ZNF282: variants seen among roughly 807,000 people sequenced by gnomAD.
ZNF282 encodes zinc finger protein 282.
In ZNF282, 30 loss-of-function variants were observed where a neutral mutation model predicts 61.9. That is an observed-to-expected ratio of 0.48 (90% confidence interval 0.36 to 0.66). The LOEUF (loss-of-function observed/expected upper bound fraction) is 0.66, where lower values mean the gene tolerates loss of function less well. Among genes scored for constraint, ZNF282 ranks in the 30% least tolerant of loss-of-function variants. The pLI is 0.00. For missense variants in ZNF282, 788 were observed against 941.4 expected, an observed-to-expected ratio of 0.84 and a Z score of 2.13; for synonymous variants, 396 against 405.0, an observed-to-expected ratio of 0.98 and a Z score of 0.27.
intron 2 of ZNF282, among the ~76,000 whole-genome samples, chr7:149,206,095 C>T (rs781111221): frequency 2.6e-5 from 4 of 152,138 alleles, no homozygotes; most frequent in Non-Finnish European, 5.9e-5. Flanking sequence ...TGACACCACG[C>T]GACGACTCGG....
chr7:149,216,137 C>T (rs1001161794), intron 7 of ZNF282, among the ~76,000 whole-genome samples: 2 of 152,156 alleles, frequency 1.3e-5, no homozygotes, highest in East Asian at 1.9e-4. Context: ...CTCACTCTGC[C>T]GCTCAGGCTG....
Position 149,212,298 on chromosome 7 carries a change from C to T in ZNF282, c.953-60C>T, listed in dbSNP as rs1405735622. 13 of 1,193,352 alleles carry T rather than the reference C, an allele frequency of 1.1e-5. No homozygotes were observed. The South Asian group carries it at 1.6e-4, about 14-fold the overall frequency. The allele number at this position is 1,193,352 out of a possible 1,614,324, so 73.9% of individuals were successfully genotyped here. ...TGAAATCAGAGATTTACTCAAAACA[C>T]AAACTTGCAGGAGATTTCGCATCTT... is the stretch of plus-strand genomic sequence containing the variant. On this transcript the variant is annotated intron_variant, in intron 5 of 7. Coordinates refer to ENST00000610704, the MANE Select transcript of ZNF282 (RefSeq NM_003575.4).
intron 2 of ZNF282, among the ~76,000 whole-genome samples, chr7:149,206,108 C>T (rs938895127): frequency 6.6e-6 from 1 of 152,194 alleles, no homozygotes; most frequent in South Asian, 2.1e-4. Context: ...CGACTCGGGC[C>T]GCAGTGGAGC....
Position 149,224,742 on chromosome 7 carries a change from A to G in ZNF282, c.*95A>G. 7.0e-7 allele frequency: 1 copy of G among 1,437,362 alleles called. No individual in the cohort carries two copies. The highest frequency in any genetic ancestry group is 2.5e-5 in the East Asian group (1 of 39,950). The allele number at this position is 1,437,362 out of a possible 1,614,324, so 89.0% of individuals were successfully genotyped here. On this transcript the variant is annotated 3_prime_UTR_variant, in exon 8 of 8. Transcript: ENST00000610704. ...GGGTGTCCTCAGCCACCGTCTGGAA[A>G]TCGGCAACAGGCATTGCACTCCGGT...
intron 2 of ZNF282, among the ~76,000 whole-genome samples, chr7:149,201,337 C>T (rs1456435374): frequency 6.6e-6 from 1 of 152,226 alleles, no homozygotes; most frequent in Non-Finnish European, 1.5e-5. Context: ...TGATTTTTGC[C>T]ATGGCCTCCT....
At chr7:149,206,181 T>C (rs1795988364) in intron 2 of ZNF282, among the ~76,000 whole-genome samples, 1 of 152,218 alleles carries the variant, frequency 6.6e-6, no homozygotes, top group African/African-American at 2.4e-5. Flanking sequence ...TACTGTATGC[T>C]CCTTGATGAT....
chr7:149,223,296 T>G (rs1210314743), intron 7 of ZNF282, among the ~76,000 whole-genome samples: 1 of 151,930 alleles, frequency 6.6e-6, no homozygotes, highest in Non-Finnish European at 1.5e-5. Flanking sequence ...TTTTTTTTTT[T>G]AATTAGCTGG....
chr7:149,208,719 A>G (rs1020385687), intron 4 of ZNF282, among the ~76,000 whole-genome samples: 1 of 151,786 alleles, frequency 6.6e-6, no homozygotes, highest in Non-Finnish European at 1.5e-5. Context: ...CATTTCTACC[A>G]TAAGAAACCC....
At chr7:149,195,825 G>T in intron 1 of ZNF282, 71 bp downstream of exon 1, 1 of 1,241,630 alleles carries the variant, frequency 8.1e-7, no homozygotes, top group Non-Finnish European at 1.0e-6. Flanking sequence ...CGCGGGACCG[G>T]GCCGCGCCGT....
chr7:149,197,376 G>A (rs533184808), intron 1 of ZNF282, among the ~76,000 whole-genome samples: 1 of 152,372 alleles, frequency 6.6e-6, no homozygotes, highest in African/African-American at 2.4e-5. Flanking sequence ...TGAAACAGTA[G>A]TTGTATATGG....
intron 7 of ZNF282, among the ~76,000 whole-genome samples, chr7:149,216,506 C>T (rs181902382): frequency 3.3e-5 from 5 of 152,358 alleles, no homozygotes; most frequent in South Asian, 4.1e-4. Flanking sequence ...TGCCAAGTCA[C>T]GACAGCCTCT....
In ZNF282 at chr7:149,207,406, A is replaced by G. The variant is rs935336287; in HGVS notation, c.768A>G (p.Glu256=). 1.3e-6 allele frequency: 2 copies of G among 1,577,870 alleles called. No homozygotes were observed. Among genetic ancestry groups the G allele is most frequent in the African/African-American group, 2.7e-5 (2 of 74,070 alleles). The change falls in exon 4 of 8, where the codon GAA becomes GAG. Residue 256 remains glutamate, a synonymous_variant. Transcript: ENST00000610704. ...PDAPVQAEPR[E]EPCVWEQRHP... is the part of the protein sequence containing the mutation. ...CTCCAGTCCAGGCTGAGCCCAGGGAAGAACCTTGTGTGTGGGAGCAGCGCC... is the reference window on the plus strand; with the variant it reads ...CTCCAGTCCAGGCTGAGCCCAGGGAGGAACCTTGTGTGTGGGAGCAGCGCC...
At chr7:149,205,377 G>A (rs532746805) in intron 2 of ZNF282, among the ~76,000 whole-genome samples, 9 of 152,306 alleles carry the variant, frequency 5.9e-5, no homozygotes, top group African/African-American at 1.4e-4. Context: ...AGCAGAGGTT[G>A]CAGTGAGCTG....
chr7:149,221,099 T>C (rs1179629497), intron 7 of ZNF282, among the ~76,000 whole-genome samples: 2 of 152,120 alleles, frequency 1.3e-5, no homozygotes, highest in Admixed American at 1.3e-4. Context: ...AATGTTTTTT[T>C]GTAGAGATGG....
chr7:149,211,233 C>A (rs907015060), intron 5 of ZNF282, among the ~76,000 whole-genome samples: 3 of 152,156 alleles, frequency 2.0e-5, no homozygotes, highest in African/African-American at 7.2e-5. Flanking sequence ...ATGTATCAAT[C>A]AGAGTTCTCC....
intron 2 of ZNF282, among the ~76,000 whole-genome samples, chr7:149,204,850 G>A (rs1795968407): frequency 6.6e-6 from 1 of 152,174 alleles, no homozygotes; most frequent in South Asian, 2.1e-4. Context: ...TGGGCACGGT[G>A]GCTCACGCCT....
intron 7 of ZNF282, among the ~76,000 whole-genome samples, chr7:149,216,123 G>A (rs1796158106): frequency 6.6e-6 from 1 of 152,164 alleles, no homozygotes; most frequent in East Asian, 1.9e-4. Context: ...TTTAAAGACA[G>A]GGTCTCACTC....
intron 2 of ZNF282, among the ~76,000 whole-genome samples, chr7:149,203,601 C>A (rs145076414): frequency 6.6e-6 from 1 of 152,336 alleles, no homozygotes; most frequent in African/African-American, 2.4e-5. Flanking sequence ...AAGCAGTCTT[C>A]CTGCCTTGGC....
chr7:149,213,967 A>AAAAGAATGGGAG, intron 7 of ZNF282, 153 bp downstream of exon 7: 1 of 596,826 alleles, frequency 1.7e-6, no homozygotes, highest in Non-Finnish European at 3.0e-6. Flanking sequence ...AAGCACTCCC[A>AAAAGAATGGGAG]TTCTTTTTGG....
Sources: allele counts gnomAD v4.1 joint callset (sites outside exome capture counted in the v4.1 genomes callset), GRCh38; gene constraint gnomAD v4.1.1; transcripts MANE v1.5; gene names NCBI Gene and HGNC (gene_info 2026-07-23, HGNC 2026-07-21).